CLK3: variants seen among roughly 807,000 people sequenced by gnomAD.
CLK3 encodes the protein CDC like kinase 3, also known as dual specificity protein kinase CLK3.
In CLK3, 24 loss-of-function variants were observed where a neutral mutation model predicts 65.2. The observed-to-expected ratio is 0.37, with a 90% CI of 0.27 to 0.52. CLK3 has a LOEUF of 0.52. CLK3 is among the 20% of genes least tolerant of loss of function. CLK3 has a pLI of 0.92. For missense variants in CLK3, 506 were observed against 660.0 expected (o/e 0.77, Z 2.56); for synonymous variants, 252 against 240.8 (o/e 1.05, Z -0.43).
chr15:74,620,283 T>G (rs1567142848), intron 3 of CLK3, 58 bp downstream of exon 3: 2 of 1,601,616 alleles, frequency 1.2e-6, no homozygotes, highest in East Asian at 2.2e-5. Context: ...CTTCCTAGCC[T>G]TCTCTCAGGC....
In CLK3 at chr15:74,619,998, C is replaced by A; in HGVS notation, c.153-11C>A. On this transcript the variant is annotated splice_polypyrimidine_tract_variant and intron_variant, in intron 2 of 12. Coordinates refer to ENST00000395066, the MANE Select transcript of CLK3 (RefSeq NM_001130028.2). ...CCCAGCTGACCAGCGTCCCCATCCC[C>A]CTTTTGGCAGCCATGACCGCCTGCC... 1 of 1,614,024 alleles carries A rather than the reference C, an allele frequency of 6.2e-7. No homozygotes were observed. The highest frequency in any genetic ancestry group is 8.5e-7 in the Non-Finnish European group (1 of 1,179,962).
rs151022979 is a variant in CLK3, at chr15:74,622,135, A to G, written c.385A>G (p.Ser129Gly). The change falls in exon 4 of 13, where the codon AGT (serine) becomes GGT (glycine). Residue 129 changes from serine to glycine, a missense_variant. Coordinates refer to ENST00000395066, the MANE Select transcript of CLK3 (RefSeq NM_001130028.2). This position sits in a 1 kb window ranked among gnomAD's most constrained non-coding sequence, Gnocchi z 4.6. ...SSASSRSQQS[S>G]KRSSRSVEDD... ...GTGCATGCAGAGAAGCCAACAGAGC[A>G]GTAAGCGCAGCAGCCGGAGTGTGGA... 3.1e-6 allele frequency: 5 copies of G among 1,614,056 alleles called. No homozygotes were observed. The highest frequency in any genetic ancestry group is 1.7e-5 in the Admixed American group (1 of 60,014).
At chr15:74,628,837 T>C (rs2062166260) in intron 11 of CLK3, 105 bp from the exon 12 acceptor site, 2 of 1,015,304 alleles carry the variant, frequency 2.0e-6, no homozygotes, top group Non-Finnish European at 3.0e-6. Flanking sequence ...TGCAGACCTG[T>C]TGCCCTGGTT....
chr15:74,618,081 G>T lies in CLK3; in HGVS notation c.1-1116G>T, dbSNP rs557070426. 2.0e-5 allele frequency among the ~76,000 whole-genome samples: 3 copies of T among 152,324 alleles called. No homozygotes were observed. In the South Asian group the frequency reaches 6.2e-4, roughly 32 times the overall value. Reference sequence around the variant, plus strand: ...GTTCTATGCTGCTTTTCTCCTGACAGACCCTGCTGGTGAGATGGGGCAGCC... The same window carrying T: ...GTTCTATGCTGCTTTTCTCCTGACATACCCTGCTGGTGAGATGGGGCAGCC... On this transcript the variant is annotated intron_variant, in intron 1 of 12. Coordinates refer to ENST00000395066, the MANE Select transcript of CLK3 (RefSeq NM_001130028.2).
At chr15:74,610,908 C>T (rs181477474), upstream of CLK3, among the ~76,000 whole-genome samples, 1 of 152,340 alleles carries the variant, frequency 6.6e-6, no homozygotes, top group Non-Finnish European at 1.5e-5. Flanking sequence ...CCTTTCCTAC[C>T]CTCACATGAG....
chr15:74,624,535 CTG>C lies in CLK3; in HGVS notation c.534-366_534-365del. 6.0e-5 allele frequency: 12 copies of C among 198,420 alleles called. No individual in the cohort carries two copies. Among genetic ancestry groups the C allele is most frequent in the South Asian group, 4.8e-4 (3 of 6,260 alleles). 12.3% of individuals were successfully genotyped at this position (198,420 alleles called of 1,614,324 possible). Reference sequence around the variant, plus strand: ...GCAGGAGGGTTCTCGGTGGGACAGCCTGGCCAGGGTTGGGGCTGCCTGGCCTA... The same window carrying C: ...GCAGGAGGGTTCTCGGTGGGACAGCCGCCAGGGTTGGGGCTGCCTGGCCTA... On this transcript the variant is annotated intron_variant, in intron 5 of 12. Transcript: ENST00000395066. This position sits in a 1 kb window ranked among gnomAD's most constrained non-coding sequence, Gnocchi z 4.2.
Position 74,627,069 on chromosome 15 carries a change from G to A in CLK3, c.818-283G>A, listed in dbSNP as rs1408526402. On this transcript the variant is annotated intron_variant, in intron 7 of 12. Transcript: ENST00000395066. The surrounding 1 kb of genome is among the most constrained non-coding windows in gnomAD (Gnocchi z 4.3). Reference sequence around the variant, plus strand: ...GCTGTAGCTCTGCTGAGAGACAGGTGAGGAGGCCTGGTCTCTGCAGAGGAG... The same window carrying A: ...GCTGTAGCTCTGCTGAGAGACAGGTAAGGAGGCCTGGTCTCTGCAGAGGAG... 6 of 536,172 alleles carry A rather than the reference G, an allele frequency of 1.1e-5. No homozygotes were observed. Among genetic ancestry groups the A allele is most frequent in the African/African-American group, 1.9e-5 (1 of 53,016 alleles). The allele number at this position is 536,172 out of a possible 1,614,324, so 33.2% of individuals were successfully genotyped here. A position where few individuals can be genotyped will look rare whatever the true frequency, so the allele number is the denominator to read the frequency against.
rs1045079524 is a variant in CLK3 at position 74,627,734 on chromosome 15, C to T, written c.1042+66C>T. 3 of 1,595,538 alleles carry T rather than the reference C, an allele frequency of 1.9e-6. No individual in the cohort carries two copies. In the African/African-American group the frequency reaches 4.0e-5, roughly 21 times the overall value. ...GTTGTTGGGAGGGTATGAGCAGAGGCAGTGGCATGCCTGTCATTCTCTGCC... is the reference window on the plus strand; with the variant it reads ...GTTGTTGGGAGGGTATGAGCAGAGGTAGTGGCATGCCTGTCATTCTCTGCC... On this transcript the variant is annotated intron_variant, in intron 9 of 12. Transcript: ENST00000395066. This position sits in a 1 kb window ranked among gnomAD's most constrained non-coding sequence, Gnocchi z 4.3.
chr15:74,627,249 G>A lies in CLK3; in HGVS notation c.818-103G>A. 1 of 881,238 alleles carries A rather than the reference G, an allele frequency of 1.1e-6. No homozygotes were observed. The highest frequency in any genetic ancestry group is 1.9e-6 in the Non-Finnish European group (1 of 520,416). 54.6% of individuals were successfully genotyped at this position (881,238 alleles called of 1,614,324 possible). A position where few individuals can be genotyped will look rare whatever the true frequency, so the allele number is the denominator to read the frequency against. On this transcript the variant is annotated intron_variant, in intron 7 of 12. Coordinates refer to ENST00000395066, the MANE Select transcript of CLK3 (RefSeq NM_001130028.2). The surrounding 1 kb of genome is among the most constrained non-coding windows in gnomAD (Gnocchi z 4.3). Reference sequence around the variant, plus strand: ...GCTCCCTGCTGAGGTGGGGGTGTGAGGACCTCTGGCAGTTGCTGGCATTGG... The same window carrying A: ...GCTCCCTGCTGAGGTGGGGGTGTGAAGACCTCTGGCAGTTGCTGGCATTGG...
At position 74,622,355 on chromosome 15, in the gene CLK3, C is replaced by G. The variant is rs1252274483; in HGVS notation, c.466+139C>G. On this transcript the variant is annotated intron_variant, in intron 4 of 12. Coordinates refer to ENST00000395066, the MANE Select transcript of CLK3 (RefSeq NM_001130028.2). The surrounding 1 kb of genome is among the most constrained non-coding windows in gnomAD (Gnocchi z 4.6). Reference sequence around the variant, plus strand: ...AGTAATTGCCTGAATGACACAGACACTAGCAACTTCCATTTTTAAGAGTGT... The same window carrying G: ...AGTAATTGCCTGAATGACACAGACAGTAGCAACTTCCATTTTTAAGAGTGT... 2 of 1,021,984 alleles carry G rather than the reference C, an allele frequency of 2.0e-6. No homozygotes were observed. The highest frequency in any genetic ancestry group is 1.5e-6 in the Non-Finnish European group (1 of 676,720). 63.3% of individuals were successfully genotyped at this position (1,021,984 alleles called of 1,614,324 possible).
Position 74,627,484 on chromosome 15 carries a change from G to A in CLK3, c.912+38G>A, listed in dbSNP as rs747749245. The A allele has an allele frequency of 6.2e-7, 1 of 1,614,232 alleles. No homozygotes were observed. The highest frequency in any genetic ancestry group is 8.5e-7 in the Non-Finnish European group (1 of 1,180,026). On this transcript the variant is annotated intron_variant, in intron 8 of 12. Coordinates refer to ENST00000395066, the MANE Select transcript of CLK3 (RefSeq NM_001130028.2). This position sits in a 1 kb window ranked among gnomAD's most constrained non-coding sequence, Gnocchi z 4.3. ...GTAAGGGTGAGGCCCTGTTTCAGGG[G>A]TGGGTTACCCGCTGGTGCAGACTCC...
chr15:74,615,332 C>T (rs1332550362), upstream of CLK3: 6 of 967,580 alleles, frequency 6.2e-6, no homozygotes, highest in African/African-American at 1.7e-5. Flanking sequence ...TCAAAAAACC[C>T]GCACACACCA....
intron 6 of CLK3, 46 bp downstream of exon 6, chr15:74,625,064 T>G: frequency 7.0e-7 from 1 of 1,433,160 alleles, no homozygotes; most frequent in Non-Finnish European, 9.8e-7. Flanking sequence ...GTGGGGCTGC[T>G]GGACCCCCAG....
At chr15:74,615,513 G>A (rs770626076), upstream of CLK3, 141 of 1,305,446 alleles carry the variant, frequency 1.1e-4, no homozygotes, top group Non-Finnish European at 1.2e-4. Flanking sequence ...TCGGGGCGAC[G>A]GAGCGGGCCC....
chr15:74,620,347 C>T, intron 3 of CLK3, 122 bp downstream of exon 3: 1 of 1,342,270 alleles, frequency 7.5e-7, no homozygotes, highest in Non-Finnish European at 1.0e-6. Context: ...GGTGTGCGTG[C>T]ATGTGTGTGT....
intron 3 of CLK3, chr15:74,620,517 G>C (rs949697909): frequency 1.9e-6 from 1 of 527,556 alleles, no homozygotes; most frequent in Non-Finnish European, 3.4e-6. Context: ...GCCACGTGGT[G>C]CAAGTGGCTG....
intron 12 of CLK3, 23 bp downstream of exon 12, chr15:74,629,055 C>G: frequency 6.4e-7 from 1 of 1,565,114 alleles, no homozygotes. Flanking sequence ...CTACCCCCAG[C>G]TGAACTCATG....
chr15:74,612,020 G>A (rs2061995693), upstream of CLK3, among the ~76,000 whole-genome samples: 1 of 152,232 alleles, frequency 6.6e-6, no homozygotes, highest in Non-Finnish European at 1.5e-5. Flanking sequence ...GTTTCCATGA[G>A]CTGTGGGTGC....
chr15:74,609,759 C>A (rs1189281076), intron 1 of CLK3, among the ~76,000 whole-genome samples: 1 of 152,246 alleles, frequency 6.6e-6, no homozygotes, highest in African/African-American at 2.4e-5. Context: ...ACCAGCATCT[C>A]CTGTAGATAC....
Sources: gnomAD v4.1 joint callset for allele counts (sites outside exome capture counted in the v4.1 genomes callset) on GRCh38, gnomAD v4.1.1 for gene constraint, Gnocchi (gnomAD v3.1) non-coding constraint, MANE v1.5 for transcripts, NCBI Gene and HGNC (gene_info 2026-07-23, HGNC 2026-07-21) for gene names.